PAPPA2: variants seen among roughly 807,000 people sequenced by gnomAD.
The protein encoded by PAPPA2 is pappalysin-2.
In PAPPA2, 86 loss-of-function variants were observed where a neutral mutation model predicts 176.4. The ratio of observed to expected loss-of-function variants is 0.49; its 90% confidence interval spans 0.41 to 0.58. The LOEUF is 0.58. Ranked by LOEUF, PAPPA2 falls within the 20% of genes least tolerant of loss-of-function variation. The pLI, the probability that PAPPA2 is intolerant of heterozygous loss-of-function variation, is 0.00. For missense variants in PAPPA2, 2,073 were observed against 2,256.9 expected, an observed-to-expected ratio of 0.92 and a Z score of 1.65; for synonymous variants, 809 against 852.2, an observed-to-expected ratio of 0.95 and a Z score of 0.88.
intron 1 of PAPPA2, among the ~76,000 whole-genome samples, chr1:176,467,442 G>A (rs1261413587): frequency 6.6e-6 from 1 of 152,202 alleles, no homozygotes; most frequent in Non-Finnish European, 1.5e-5. Context: ...CACTTGCCTT[G>A]TGGGAGGTCA....
intron 1 of PAPPA2, among the ~76,000 whole-genome samples, chr1:176,519,090 T>C (rs1281578054): frequency 6.6e-6 from 1 of 152,058 alleles, no homozygotes; most frequent in Non-Finnish European, 1.5e-5. Context: ...TCACACAGAG[T>C]ATGGTAAATA....
chr1:176,737,026 A>T (rs1044405678), intron 12 of PAPPA2, among the ~76,000 whole-genome samples: 1 of 151,978 alleles, frequency 6.6e-6, no homozygotes, highest in Non-Finnish European at 1.5e-5. Context: ...TTAGTTTTAA[A>T]TTTTTATTTT....
At chr1:176,697,167 G>C (rs764129509) in intron 7 of PAPPA2, among the ~76,000 whole-genome samples, 1 of 152,112 alleles carries the variant, frequency 6.6e-6, no homozygotes, top group Non-Finnish European at 1.5e-5. Context: ...AAAGGAATTA[G>C]AAGTTCTACG....
At chr1:176,683,695 C>T (rs561726448) in intron 4 of PAPPA2, among the ~76,000 whole-genome samples, 62 of 152,032 alleles carry the variant, frequency 4.1e-4, no homozygotes, top group Non-Finnish European at 3.7e-4. Flanking sequence ...GACCCTGGTT[C>T]TCATCACAGG....
chr1:176,818,185 C>A (rs1442062971), intron 21 of PAPPA2, among the ~76,000 whole-genome samples: 1 of 152,118 alleles, frequency 6.6e-6, no homozygotes, highest in African/African-American at 2.4e-5. Context: ...GAAAACAGTT[C>A]ATGGAAAGAC....
intron 19 of PAPPA2, 42 bp from the exon 20 acceptor site, chr1:176,793,518 C>A: frequency 6.7e-7 from 1 of 1,487,762 alleles, no homozygotes; most frequent in Non-Finnish European, 9.4e-7. Flanking sequence ...AGAATGAGAT[C>A]TGGGAAGTTC....
intron 17 of PAPPA2, among the ~76,000 whole-genome samples, chr1:176,774,601 G>A (rs999147166): frequency 6.6e-6 from 1 of 151,960 alleles, no homozygotes; most frequent in Non-Finnish European, 1.5e-5. Flanking sequence ...CTCTATAATA[G>A]ACTATTATCA....
chr1:176,821,356 A>G (rs1666659759), intron 21 of PAPPA2, among the ~76,000 whole-genome samples: 1 of 152,222 alleles, frequency 6.6e-6, no homozygotes, highest in African/African-American at 2.4e-5. Context: ...TAGAGGGGTA[A>G]TTATTTGAAG....
intron 1 of PAPPA2, among the ~76,000 whole-genome samples, chr1:176,491,538 TA>T: frequency 6.6e-6 from 1 of 152,246 alleles, no homozygotes; most frequent in Middle Eastern, 3.4e-3. Flanking sequence ...GGGGGAAAGA[TA>T]AAAAATTCAG....
chr1:176,722,957 C>T (rs1661692160), intron 12 of PAPPA2, among the ~76,000 whole-genome samples: 1 of 152,158 alleles, frequency 6.6e-6, no homozygotes. Context: ...CAGAATACCA[C>T]AGACTGGTTA....
chr1:176,496,323 A>T (rs2102500812), intron 1 of PAPPA2, among the ~76,000 whole-genome samples: 1 of 152,244 alleles, frequency 6.6e-6, no homozygotes, highest in East Asian at 1.9e-4. Flanking sequence ...ATATGATTTG[A>T]TATATAAATA....
rs114685250 is a variant in PAPPA2, at chr1:176,705,968, G to A, written c.3366-391G>A. ...ATGAATAGATGAAACCACACAGACAGGCAGGCTTTCTTCTTACCATCATCA... is the reference window on the plus strand; with the variant it reads ...ATGAATAGATGAAACCACACAGACAAGCAGGCTTTCTTCTTACCATCATCA... On this transcript the variant is annotated intron_variant, in intron 9 of 22. Transcript: ENST00000367662. Among the ~76,000 whole-genome samples, 1,370 of 152,258 alleles carry A rather than the reference G, an allele frequency of 9.0e-3. 7 individuals are homozygous for A. Among genetic ancestry groups the A allele is most frequent in the Non-Finnish European group, 0.015 (1,024 of 68,014 alleles).
At chr1:176,537,363 A>T (rs921428735) in intron 1 of PAPPA2, 3 of 152,220 alleles carry the variant, frequency 2.0e-5, no homozygotes, top group Admixed American at 1.3e-4. Context: ...CTGAAATGTC[A>T]TCATCTATGC....
chr1:176,726,668 T>C (rs760183039), intron 12 of PAPPA2, among the ~76,000 whole-genome samples: 1 of 152,184 alleles, frequency 6.6e-6, no homozygotes, highest in Non-Finnish European at 1.5e-5. Context: ...GCAGTTCGAG[T>C]GGAAATCACA....
At chr1:176,510,447 G>C (rs2102522117) in intron 1 of PAPPA2, among the ~76,000 whole-genome samples, 1 of 152,192 alleles carries the variant, frequency 6.6e-6, no homozygotes, top group East Asian at 1.9e-4. Context: ...TCTTTTAAAA[G>C]TGGAGTTTAA....
intron 4 of PAPPA2, among the ~76,000 whole-genome samples, chr1:176,678,899 G>A (rs973031313): frequency 6.6e-6 from 1 of 152,084 alleles, no homozygotes; most frequent in Non-Finnish European, 1.5e-5. Flanking sequence ...TATACAGAAT[G>A]TATCTTGAAA....
At chr1:176,693,971 C>T (rs1324339886) in intron 6 of PAPPA2, among the ~76,000 whole-genome samples, 2 of 152,172 alleles carry the variant, frequency 1.3e-5, no homozygotes, top group African/African-American at 2.4e-5. Context: ...TCAGTACGGG[C>T]GTGCTGAGAG....
chr1:176,723,811 G>T lies in PAPPA2; in HGVS notation c.3798+11830G>T, dbSNP rs185685363. On this transcript the variant is annotated intron_variant, in intron 12 of 22. Coordinates refer to ENST00000367662, the MANE Select transcript of PAPPA2 (RefSeq NM_020318.3). ...AGAATTTTCTTAAATATAATAAAAT[G>T]TAGAGTCTTTTTTATTATTTACATA... Among the ~76,000 whole-genome samples, 254 of 152,168 alleles carry T rather than the reference G, an allele frequency of 1.7e-3. 1 individual carries two copies. The highest frequency in any genetic ancestry group is 5.4e-3 in the African/African-American group (224 of 41,526).
At chr1:176,750,051 C>T (rs1312821178) in intron 14 of PAPPA2, among the ~76,000 whole-genome samples, 3 of 152,146 alleles carry the variant, frequency 2.0e-5, no homozygotes, top group Admixed American at 6.5e-5. Context: ...TATGAAGATA[C>T]ATTGTTTTTC....
Sources: allele counts gnomAD v4.1 joint callset (sites outside exome capture counted in the v4.1 genomes callset), GRCh38; gene constraint gnomAD v4.1.1; transcripts MANE v1.5; gene names NCBI Gene and HGNC (gene_info 2026-07-23, HGNC 2026-07-21).